Variants in STK32A observed in about 807,000 individuals in gnomAD.
The protein encoded by STK32A is serine/threonine-protein kinase 32A.
Under a neutral mutation model 53.2 loss-of-function variants are expected in STK32A, and 41 were observed. The observed-to-expected ratio is 0.77, with a 90% CI of 0.60 to 1.00. STK32A has a LOEUF of 1.00. STK32A is among the 50% of genes least tolerant of loss of function. The pLI, the probability that STK32A is intolerant of heterozygous loss-of-function variation, is 0.00. For synonymous variants in STK32A, 166 were observed against 162.8 expected, an observed-to-expected ratio of 1.02 and a Z score of -0.15; for missense variants, 458 against 485.8, an observed-to-expected ratio of 0.94 and a Z score of 0.54.
At chr5:147,262,826 G>C (rs1183769502) in intron 2 of STK32A, among the ~76,000 whole-genome samples, 1 of 152,136 alleles carries the variant, frequency 6.6e-6, no homozygotes, top group East Asian at 1.9e-4. Flanking sequence ...GCTTCTAGAA[G>C]GGGAAGGTGA....
Position 147,247,998 on chromosome 5 carries a change from G to C in STK32A, c.52+8312G>C, listed in dbSNP as rs139525596. 6.4e-3 allele frequency among the ~76,000 whole-genome samples: 974 copies of C among 151,842 alleles called. 10 individuals carry two copies. The highest frequency in any genetic ancestry group is 0.022 in the African/African-American group (901 of 41,352). ...TAGCTGGGTGTGGTGGGGCCTACCT[G>C]TAATCCCAGCTACTCGGGAGGCTGA... On this transcript the variant is annotated intron_variant, in intron 2 of 12. Coordinates refer to ENST00000397936, the MANE Select transcript of STK32A (RefSeq NM_001112724.2).
At chr5:147,261,641 C>A (rs1179927035) in intron 2 of STK32A, among the ~76,000 whole-genome samples, 1 of 152,056 alleles carries the variant, frequency 6.6e-6, no homozygotes, top group African/African-American at 2.4e-5. Context: ...CATATTAATT[C>A]TTTGAAAAGA....
chr5:147,373,096 G>T, intron 9 of STK32A, 73 bp from the exon 10 acceptor site: 1 of 1,585,298 alleles, frequency 6.3e-7, no homozygotes. Flanking sequence ...AAAGCATTTA[G>T]AGGGAATTTG....
rs373742605 is a variant in STK32A at position 147,341,920 on chromosome 5, A to G, written c.435-1086A>G. ...AGAGCACAAAACCCACCTTCTTCCA[A>G]TGAAGGGAGTAGTCTGGTGGTTAAT... is the stretch of plus-strand genomic sequence containing the variant. On this transcript the variant is annotated intron_variant, in intron 5 of 12. Transcript: ENST00000397936. 1.3e-4 allele frequency among the ~76,000 whole-genome samples: 20 copies of G among 152,318 alleles called. No individual in the cohort carries two copies. The East Asian group carries it at 3.5e-3, about 26-fold the overall frequency.
At chr5:147,307,839 T>C (rs1047195999) in intron 4 of STK32A, among the ~76,000 whole-genome samples, 10 of 152,094 alleles carry the variant, frequency 6.6e-5, no homozygotes, top group Non-Finnish European at 1.5e-4. Flanking sequence ...ATATTTGTTA[T>C]TAATCAAGTC....
chr5:147,322,921 G>A (rs1489733874), intron 4 of STK32A, among the ~76,000 whole-genome samples: 1 of 152,116 alleles, frequency 6.6e-6, no homozygotes, highest in Non-Finnish European at 1.5e-5. Context: ...GTCCTGTTAT[G>A]GGATCCGGAT....
intron 11 of STK32A, among the ~76,000 whole-genome samples, chr5:147,376,899 C>T (rs962040508): frequency 6.6e-6 from 1 of 152,190 alleles, no homozygotes; most frequent in African/African-American, 2.4e-5. Flanking sequence ...CTCCCTTAGT[C>T]ATTCTACGAA....
At chr5:147,376,143 A>G (rs529802674) in intron 11 of STK32A, among the ~76,000 whole-genome samples, 11 of 152,268 alleles carry the variant, frequency 7.2e-5, no homozygotes, top group African/African-American at 2.4e-4. Flanking sequence ...ACAAATAAGT[A>G]TCCTCCATCT....
rs1391080199 is a variant in STK32A, at chr5:147,342,775, T to C, written c.435-231T>C. The C allele has an allele frequency of 2.5e-5, 13 of 515,834 alleles. No homozygotes were observed. In the Admixed American group the frequency reaches 4.1e-4, roughly 16 times the overall value. 32.0% of individuals were successfully genotyped at this position (515,834 alleles called of 1,614,324 possible). The stretch of plus-strand genomic sequence containing the variant: ...GAGAGAGGCCTTGGTTCAGAGCCCA[T>C]TTCTTCCATTTACTAGCCTGTGACC... On this transcript the variant is annotated intron_variant, in intron 5 of 12. Transcript: ENST00000397936.
At chr5:147,298,869 G>A (rs1336372668) in intron 4 of STK32A, among the ~76,000 whole-genome samples, 1 of 152,196 alleles carries the variant, frequency 6.6e-6, no homozygotes, top group African/African-American at 2.4e-5. Flanking sequence ...ATCCCGCAGA[G>A]TTAAGAATGT....
intron 7 of STK32A, among the ~76,000 whole-genome samples, chr5:147,358,535 CTA>C (rs1217960205): frequency 1.3e-5 from 2 of 152,094 alleles, no homozygotes; most frequent in Non-Finnish European, 2.9e-5. Flanking sequence ...ACCCAAATGG[CTA>C]TCAACAATGG....
At chr5:147,332,646 T>G (rs1329594731) in intron 5 of STK32A, among the ~76,000 whole-genome samples, 11 of 152,294 alleles carry the variant, frequency 7.2e-5, no homozygotes, top group Middle Eastern at 6.8e-3. Context: ...GTAAATCTTC[T>G]TTTCAGTAGA....
intron 5 of STK32A, among the ~76,000 whole-genome samples, chr5:147,327,988 T>G (rs996015435): frequency 6.6e-6 from 1 of 152,142 alleles, no homozygotes. Flanking sequence ...TCAGAGAAGA[T>G]AGTGTGGAGT....
intron 6 of STK32A, among the ~76,000 whole-genome samples, chr5:147,345,416 A>G (rs1025294239): frequency 6.6e-6 from 1 of 152,320 alleles, no homozygotes; most frequent in African/African-American, 2.4e-5. Context: ...TTTCCTTGGA[A>G]AGGAAGCTGG....
rs534159929 is a variant in STK32A at position 147,245,456 on chromosome 5, TTTTG to T, written c.52+5782_52+5785del. ...ATTTTCTCTATCTGAATGCACTAGA[TTTTG>T]TTTGTTTGTTTTTGTGGTTGGTTGG... On this transcript the variant is annotated intron_variant, in intron 2 of 12. Transcript: ENST00000397936. 1.2e-3 allele frequency among the ~76,000 whole-genome samples: 183 copies of T among 152,334 alleles called. 1 individual carries two copies. The highest frequency in any genetic ancestry group is 7.7e-3 in the East Asian group (40 of 5,188).
At chr5:147,375,040 T>C in intron 10 of STK32A, 50 bp from the exon 11 acceptor site, 1 of 1,536,306 alleles carries the variant, frequency 6.5e-7, no homozygotes, top group Non-Finnish European at 8.7e-7. Context: ...TGCTGTGTTT[T>C]TCAGAATGAT....
At chr5:147,298,481 T>A (rs565792020) in intron 4 of STK32A, among the ~76,000 whole-genome samples, 210 of 152,328 alleles carry the variant, frequency 1.4e-3, no homozygotes, top group South Asian at 2.5e-3. Context: ...TCATTCTGAG[T>A]TATGCTCTAC....
chr5:147,269,392 G>A (rs962306528), intron 2 of STK32A, among the ~76,000 whole-genome samples: 1 of 152,168 alleles, frequency 6.6e-6, no homozygotes, highest in Non-Finnish European at 1.5e-5. Flanking sequence ...AGTGAGCAAT[G>A]TCTTGGAAAG....
chr5:147,380,521 C>A (rs185339207), intron 11 of STK32A, among the ~76,000 whole-genome samples: 1 of 152,052 alleles, frequency 6.6e-6, no homozygotes, highest in East Asian at 1.9e-4. Flanking sequence ...GAATATTTTC[C>A]ATCAGAAGAA....
Sources: allele counts gnomAD v4.1 joint callset (sites outside exome capture counted in the v4.1 genomes callset), GRCh38; gene constraint gnomAD v4.1.1; transcripts MANE v1.5; gene names NCBI Gene and HGNC (gene_info 2026-07-23, HGNC 2026-07-21).